PKIB: variants seen among roughly 807,000 people sequenced by gnomAD.
The protein encoded by PKIB is cAMP-dependent protein kinase inhibitor beta, also known as PKI-beta.
Under a neutral mutation model 4.5 loss-of-function variants are expected in PKIB, and 2 were observed. That is an observed-to-expected ratio of 0.44 (90% confidence interval 0.18 to 1.39). The LOEUF is 1.39. Ranked by LOEUF, PKIB falls within the 40% of genes most tolerant of loss-of-function variation. PKIB has a pLI of 0.27. For missense variants in PKIB, 94 were observed against 92.6 expected (o/e 1.02, Z -0.06); for synonymous variants, 38 against 36.0 (o/e 1.06, Z -0.20).
At chr6:122,547,952 A>G (rs966759529) in intron 2 of PKIB, among the ~76,000 whole-genome samples, 1 of 152,162 alleles carries the variant, frequency 6.6e-6, no homozygotes, top group Non-Finnish European at 1.5e-5. Flanking sequence ...AAGCACATCC[A>G]TATACCTTAC....
chr6:122,715,100 TA>T (rs891597789), intron 3 of PKIB, among the ~76,000 whole-genome samples: 2 of 151,108 alleles, frequency 1.3e-5, no homozygotes, highest in African/African-American at 2.4e-5. Flanking sequence ...AAAAAATATT[TA>T]AAAAAAAAGG....
intron 2 of PKIB, chr6:122,478,632 G>C (rs1012751226): frequency 6.6e-6 from 1 of 152,126 alleles, no homozygotes; most frequent in Non-Finnish European, 1.5e-5. Context: ...GTGGCAGCGG[G>C]GGGTGGGGAA....
At chr6:122,680,184 A>G (rs1224279696) in intron 3 of PKIB, among the ~76,000 whole-genome samples, 1 of 152,256 alleles carries the variant, frequency 6.6e-6, no homozygotes, top group African/African-American at 2.4e-5. Flanking sequence ...ACATGAATAC[A>G]TAGGAGCCTT....
At chr6:122,581,351 T>A (rs1773698056) in intron 2 of PKIB, among the ~76,000 whole-genome samples, 1 of 152,158 alleles carries the variant, frequency 6.6e-6, no homozygotes, top group South Asian at 2.1e-4. Flanking sequence ...TGTTATAACA[T>A]TTCTTTTACA....
At chr6:122,497,690 A>C (rs1776115146) in intron 2 of PKIB, among the ~76,000 whole-genome samples, 1 of 152,240 alleles carries the variant, frequency 6.6e-6, no homozygotes, top group Non-Finnish European at 1.5e-5. Context: ...ATACATAATC[A>C]ACAATGGAGC....
intron 3 of PKIB, among the ~76,000 whole-genome samples, chr6:122,696,898 T>C (rs895543494): frequency 2.0e-5 from 3 of 152,186 alleles, no homozygotes; most frequent in African/African-American, 7.2e-5. Context: ...GAAAGGAACA[T>C]GCTATTAGTG....
At chr6:122,505,329 C>T (rs1366191171) in intron 2 of PKIB, among the ~76,000 whole-genome samples, 1 of 152,166 alleles carries the variant, frequency 6.6e-6, no homozygotes, top group Admixed American at 6.5e-5. Context: ...TGTGGCTTTC[C>T]ACAACTTATT....
intron 2 of PKIB, among the ~76,000 whole-genome samples, chr6:122,489,080 C>T (rs1052287141): frequency 2.6e-5 from 4 of 152,200 alleles, no homozygotes; most frequent in Admixed American, 2.6e-4. Context: ...CTAGGCCCTG[C>T]CCACCTCAAT....
At chr6:122,708,769 G>T (rs980720187) in intron 3 of PKIB, among the ~76,000 whole-genome samples, 1 of 152,090 alleles carries the variant, frequency 6.6e-6, no homozygotes, top group Non-Finnish European at 1.5e-5. Context: ...GAGTAACTGG[G>T]ATTACAGGCA....
intron 1 of PKIB, among the ~76,000 whole-genome samples, chr6:122,472,215 C>T (rs2114498815): frequency 6.6e-6 from 1 of 152,334 alleles, no homozygotes; most frequent in Non-Finnish European, 1.5e-5. Flanking sequence ...ACTTATTTCC[C>T]ATTTTTCCCA....
At chr6:122,615,889 G>C (rs1044991878) in intron 1 of PKIB, among the ~76,000 whole-genome samples, 1 of 152,162 alleles carries the variant, frequency 6.6e-6, no homozygotes, top group Non-Finnish European at 1.5e-5. Flanking sequence ...CCTACTGACA[G>C]TTGATTGGAT....
Position 122,725,553 on chromosome 6 carries a change from T to C in PKIB, c.*358T>C, listed in dbSNP as rs1779921893. 2 of 173,000 alleles carry C rather than the reference T, an allele frequency of 1.2e-5. No homozygotes were observed. Among genetic ancestry groups the C allele is most frequent in the South Asian group, 3.8e-4 (2 of 5,294 alleles). 10.7% of individuals were successfully genotyped at this position (173,000 alleles called of 1,614,324 possible). ...ATTTTTATGGTGATGGGCAAATCAT[T>C]CTTGGTAAATGTAAATCAAACATGA... On this transcript the variant is annotated 3_prime_UTR_variant, in exon 5 of 5. Transcript: ENST00000368452.
chr6:122,488,764 G>A (rs1775847573), intron 2 of PKIB, among the ~76,000 whole-genome samples: 1 of 152,058 alleles, frequency 6.6e-6, no homozygotes, highest in Non-Finnish European at 1.5e-5. Flanking sequence ...ACTGCTCCTG[G>A]GATTAATTGC....
At chr6:122,711,305 A>C (rs1367825130) in intron 3 of PKIB, among the ~76,000 whole-genome samples, 2 of 152,100 alleles carry the variant, frequency 1.3e-5, no homozygotes, top group Non-Finnish European at 2.9e-5. Context: ...TTTGTTACGG[A>C]AAGCAGCAGG....
chr6:122,659,736 T>C (rs1776913868), intron 2 of PKIB, among the ~76,000 whole-genome samples: 2 of 152,170 alleles, frequency 1.3e-5, no homozygotes. Context: ...TCGGTAAAGT[T>C]GCCTATGTGT....
At chr6:122,576,689 A>AAAAAATAT (rs1345822382) in intron 2 of PKIB, among the ~76,000 whole-genome samples, 1,096 of 34,246 alleles carry the variant, frequency 0.032, 46 homozygotes, top group Non-Finnish European at 0.035. Flanking sequence ...AAAAAAAAAA[A>AAAAAATAT]ATATATATAT....
chr6:122,485,210 C>G (rs34110816), intron 2 of PKIB, among the ~76,000 whole-genome samples: 14,752 of 141,432 alleles, frequency 0.1, 817 homozygotes, highest in South Asian at 0.15. Context: ...CAAAAATATT[C>G]TTTTTTTTTT....
chr6:122,584,962 C>T (rs111784831), intron 2 of PKIB, among the ~76,000 whole-genome samples: 250 of 143,676 alleles, frequency 1.7e-3, no homozygotes, highest in African/African-American at 6.0e-3. Context: ...TAAGTTACTG[C>T]CCCTTTCCAT....
intron 1 of PKIB, among the ~76,000 whole-genome samples, chr6:122,613,569 G>T (rs1774852541): frequency 6.6e-6 from 1 of 152,018 alleles, no homozygotes; most frequent in East Asian, 1.9e-4. Flanking sequence ...CTTTAAAAAA[G>T]TCATTACCAG....
Sources: allele counts gnomAD v4.1 joint callset (sites outside exome capture counted in the v4.1 genomes callset), GRCh38; gene constraint gnomAD v4.1.1; transcripts MANE v1.5; gene names NCBI Gene and HGNC (gene_info 2026-07-23, HGNC 2026-07-21).